The following USP25 variants were observed in gnomAD, a reference collection of about 807,000 sequenced individuals.
USP25 encodes ubiquitin carboxyl-terminal hydrolase 25.
In USP25, 85 loss-of-function variants were observed where a neutral mutation model predicts 158.5. The ratio of observed to expected loss-of-function variants is 0.54; its 90% CI spans 0.45 to 0.64. The LOEUF is 0.64. Among genes scored for constraint, USP25 ranks in the 30% least tolerant of loss-of-function variants. USP25 has a pLI of 0.00. For synonymous variants in USP25, 464 were observed against 460.4 expected, an observed-to-expected ratio of 1.01 and a Z score of -0.10; for missense variants, 1,242 against 1,327.3, an observed-to-expected ratio of 0.94 and a Z score of 1.00.
chr21:15,873,131 T>G (rs565032953), intron 23 of USP25, among the ~76,000 whole-genome samples: 2 of 152,068 alleles, frequency 1.3e-5, no homozygotes, highest in Non-Finnish European at 2.9e-5. Flanking sequence ...TATTTTTGAG[T>G]TGGGGTCTTG....
chr21:15,747,496 A>T (rs575441954), intron 1 of USP25, among the ~76,000 whole-genome samples: 1 of 152,038 alleles, frequency 6.6e-6, no homozygotes, highest in African/African-American at 2.4e-5. Context: ...TTTTTTTCCT[A>T]TATATAGTAT....
intron 6 of USP25, among the ~76,000 whole-genome samples, chr21:15,803,828 C>G (rs2036246844): frequency 6.6e-6 from 1 of 151,832 alleles, no homozygotes; most frequent in Non-Finnish European, 1.5e-5. Flanking sequence ...TTTATTCCCT[C>G]TTACCTATTT....
intron 20 of USP25, among the ~76,000 whole-genome samples, chr21:15,854,075 T>C (rs1324459421): frequency 2.0e-5 from 3 of 152,260 alleles, no homozygotes; most frequent in African/African-American, 4.8e-5. Context: ...CAATTAGATA[T>C]AGTATTTTTA....
intron 20 of USP25, 59 bp from the exon 21 acceptor site, chr21:15,864,209 A>T: frequency 6.7e-7 from 1 of 1,502,674 alleles, no homozygotes. Context: ...CATAATATTG[A>T]AGGATTTTTT....
intron 1 of USP25, among the ~76,000 whole-genome samples, chr21:15,756,795 C>T (rs2033406849): frequency 6.6e-6 from 1 of 152,100 alleles, no homozygotes; most frequent in Non-Finnish European, 1.5e-5. Context: ...TTGCAAGTAA[C>T]TGAATCTCTT....
chr21:15,733,001 A>G (rs564868118), intron 1 of USP25, among the ~76,000 whole-genome samples: 2 of 152,218 alleles, frequency 1.3e-5, no homozygotes, highest in East Asian at 1.9e-4. Context: ...GATGAGTTAA[A>G]TTCTGTGATA....
chr21:15,796,840 CA>C (rs1206124139), intron 5 of USP25, among the ~76,000 whole-genome samples: 2 of 151,020 alleles, frequency 1.3e-5, no homozygotes, highest in Non-Finnish European at 3.0e-5. Context: ...AAAACTAACA[CA>C]AAAAAATGGA....
At chr21:15,740,530 G>A (rs1444391154) in intron 1 of USP25, among the ~76,000 whole-genome samples, 1 of 151,822 alleles carries the variant, frequency 6.6e-6, no homozygotes, top group Non-Finnish European at 1.5e-5. Context: ...GGCTAGGTGG[G>A]ATACTTGCCC....
intron 1 of USP25, among the ~76,000 whole-genome samples, chr21:15,734,617 C>T (rs1000788145): frequency 1.1e-4 from 16 of 151,982 alleles, no homozygotes; most frequent in Non-Finnish European, 1.9e-4. Flanking sequence ...CAGTCCATAT[C>T]CTTTACAAAT....
rs1313314643 is a variant in USP25 at position 15,864,307 on chromosome 21, C to T, written c.2587C>T (p.Gln863Ter). The T allele has an allele frequency of 1.9e-6, 3 of 1,610,994 alleles. No homozygotes were observed. The change falls in exon 21 of 26, where the codon CAA (glutamine) becomes TAA (stop). Residue 863 changes from glutamine to a stop codon, truncating the protein, a stop_gained. Coordinates refer to ENST00000400183, the MANE Select transcript of USP25 (RefSeq NM_001283041.3). LOFTEE classifies it high-confidence loss of function. ...LEYARLVKLA[Q>*]EDTPPETDYR... ...ATATGCAAGGTTGGTTAAGTTGGCC[C>T]AAGAAGACACCCCACCAGAAACCGA...
intron 4 of USP25, among the ~76,000 whole-genome samples, chr21:15,786,721 A>T (rs1405770243): frequency 6.6e-6 from 1 of 152,150 alleles, no homozygotes; most frequent in African/African-American, 2.4e-5. Context: ...CCTAACAAAG[A>T]TGCCCACTTC....
chr21:15,758,571 C>G (rs1396688006), intron 1 of USP25, among the ~76,000 whole-genome samples: 1 of 152,160 alleles, frequency 6.6e-6, no homozygotes, highest in Non-Finnish European at 1.5e-5. Flanking sequence ...AACCATGATT[C>G]TGTTAAATCT....
At chr21:15,747,225 C>G (rs1325527744) in intron 1 of USP25, among the ~76,000 whole-genome samples, 1 of 152,000 alleles carries the variant, frequency 6.6e-6, no homozygotes, top group African/African-American at 2.4e-5. Flanking sequence ...CACGTTTACT[C>G]TCATGGAATG....
At chr21:15,864,485 C>CT (rs530039459) in intron 21 of USP25, 39 bp downstream of exon 21, 34,963 of 1,103,494 alleles carry the variant, frequency 0.032, 13 homozygotes, top group South Asian at 0.051. Context: ...TCAAATCGTT[C>CT]TTTTTTTTTT....
intron 23 of USP25, among the ~76,000 whole-genome samples, chr21:15,871,555 T>C (rs977399523): frequency 6.6e-6 from 1 of 152,186 alleles, no homozygotes; most frequent in Non-Finnish European, 1.5e-5. Context: ...AATGAAATCA[T>C]GTAAGTACAA....
chr21:15,796,840 C>CA (rs1206124139), intron 5 of USP25, among the ~76,000 whole-genome samples: 3 of 151,020 alleles, frequency 2.0e-5, no homozygotes, highest in African/African-American at 2.4e-5. Flanking sequence ...AAAACTAACA[C>CA]AAAAAAATGG....
rs149931391 is a variant in USP25 at position 15,794,612 on chromosome 21, G to A, written c.555+2948G>A. On this transcript the variant is annotated intron_variant, in intron 5 of 25. Transcript: ENST00000400183. ...TTCCATTTGGATGCCGAGAAGTAAGGTGCTCATACTTCTCAGTTTGCTTGT... is the reference window on the plus strand; with the variant it reads ...TTCCATTTGGATGCCGAGAAGTAAGATGCTCATACTTCTCAGTTTGCTTGT... Among the ~76,000 whole-genome samples, 16 of 151,458 alleles carry A rather than the reference G, an allele frequency of 1.1e-4. No homozygotes were observed. The Admixed American group carries it at 1.1e-3, about 10-fold the overall frequency.
Position 15,847,714 on chromosome 21 carries a change from G to A in USP25, c.2389G>A (p.Val797Met), listed in dbSNP as rs998720590. The change falls in exon 19 of 26, where the codon GTG becomes ATG. Residue 797 changes from valine (V) to methionine (M), a missense_variant. Physicochemically the swap from Val to Met is conservative, Grantham distance 21. This residue lies in a region of USP25 where 608 missense variants were observed against 605.2 expected (regional missense o/e 1.00). Transcript: ENST00000400183. ...QPLSNQRVVE[V>M]AIPHVGKFMI... ...ACTTTCTAATCAGCGAGTTGTAGAGGTGGCGATCCCTCATGTAGGGAAATT... is the reference window on the plus strand; with the variant it reads ...ACTTTCTAATCAGCGAGTTGTAGAGATGGCGATCCCTCATGTAGGGAAATT... 4.6e-5 allele frequency: 71 copies of A among 1,550,074 alleles called. No individual in the cohort carries two copies. Among genetic ancestry groups the A allele is most frequent in the Non-Finnish European group, 5.5e-5 (63 of 1,146,678 alleles).
chr21:15,791,807 G>T (rs1009634123), intron 5 of USP25, 143 bp downstream of exon 5: 1 of 805,736 alleles, frequency 1.2e-6, no homozygotes, highest in Non-Finnish European at 1.8e-6. Context: ...CTAGCTTGGG[G>T]ATTGAAGTAT....
Sources: allele counts gnomAD v4.1 joint callset (sites outside exome capture counted in the v4.1 genomes callset), GRCh38; gene constraint gnomAD v4.1.1; regional missense constraint gnomAD v4.1.1; transcripts MANE v1.5; gene names NCBI Gene and HGNC (gene_info 2026-07-23, HGNC 2026-07-21).